CDKL3: variants seen among roughly 807,000 people sequenced by gnomAD.
CDKL3 encodes cyclin dependent kinase like 3, also known as cyclin-dependent kinase-like 3.
A neutral mutation model predicts 69.3 loss-of-function variants in CDKL3; 65 were observed. That is an observed-to-expected ratio of 0.94 (90% CI 0.77 to 1.15). The LOEUF is 1.15. Among genes scored for constraint, CDKL3 ranks in the 50% most tolerant of loss-of-function variants. CDKL3 has a pLI of 0.00. For synonymous variants in CDKL3, 202 were observed against 221.6 expected (o/e 0.91, Z 0.79); for missense variants, 652 against 689.2 (o/e 0.95, Z 0.61).
intron 3 of CDKL3, among the ~76,000 whole-genome samples, chr5:134,351,416 G>T (rs562096953): frequency 2.6e-5 from 4 of 152,202 alleles, no homozygotes; most frequent in Non-Finnish European, 2.9e-5. Flanking sequence ...CTCTTTTTAA[G>T]AAATTATTTT....
In CDKL3 at chr5:134,288,535, C is replaced by T. The variant is rs377140527; in HGVS notation, c.*678-1976G>A. Among the ~76,000 whole-genome samples, 14 of 152,126 alleles carry T rather than the reference C, an allele frequency of 9.2e-5. No individual in the cohort carries two copies. In the East Asian group the frequency reaches 2.7e-3, roughly 29 times the overall value. ...TAAATGGTGACCAGTGCACAGATAC[C>T]CTAGGAGTTTCACAGGCAGTATGCA... On this transcript the variant is annotated intron_variant and NMD_transcript_variant, in intron 8 of 8. Transcript: ENST00000519312.
chr5:134,322,014 T>C, intron 4 of CDKL3, 111 bp from the exon 5 acceptor site: 1 of 677,044 alleles, frequency 1.5e-6, no homozygotes, highest in Admixed American at 3.1e-5. Flanking sequence ...TAGTATCATT[T>C]TAAGTTTTGT....
chr5:134,361,522 A>G (rs1350737418), intron 2 of CDKL3, among the ~76,000 whole-genome samples: 1 of 152,214 alleles, frequency 6.6e-6, no homozygotes, highest in Non-Finnish European at 1.5e-5. Context: ...AAAATATAAC[A>G]CCAGATTCCT....
chr5:134,299,706 A>C, intron 12 of CDKL3: 15 of 1,534,802 alleles, frequency 9.8e-6, no homozygotes, highest in Non-Finnish European at 1.3e-5. Context: ...TCTACTCTAC[A>C]TCTGGCAAGT....
downstream of CDKL3, among the ~76,000 whole-genome samples, chr5:134,294,341 A>G (rs1013849110): frequency 6.6e-6 from 1 of 152,166 alleles, no homozygotes; most frequent in Admixed American, 6.5e-5. Flanking sequence ...GGAAACTAGA[A>G]AAGAGGGAAC....
chr5:134,306,531 A>G, intron 10 of CDKL3, 78 bp downstream of exon 10: 1 of 843,428 alleles, frequency 1.2e-6, no homozygotes, highest in Middle Eastern at 2.2e-4. Context: ...AAAGTATTAG[A>G]GCCCTAAAGA....
chr5:134,308,537 T>C, intron 8 of CDKL3, 37 bp downstream of exon 8: 2 of 1,555,050 alleles, frequency 1.3e-6, no homozygotes, highest in Non-Finnish European at 1.7e-6. Flanking sequence ...AACTATAATA[T>C]AATTATACTG....
At position 134,350,302 on chromosome 5, in the gene CDKL3, G is replaced by A. The variant is rs752287122; in HGVS notation, c.486C>T (p.Ala162=). The A allele has an allele frequency of 2.5e-6, 4 of 1,593,468 alleles. No homozygotes were observed. In the Admixed American group the frequency reaches 5.3e-5, roughly 21 times the overall value. The change falls in exon 4 of 13, where the codon GCC becomes GCT. Residue 162 remains alanine (A), a synonymous_variant. Coordinates refer to ENST00000265334, the MANE Select transcript of CDKL3 (RefSeq NM_001113575.2). ...ATTCGGGAGCTCTATACCAGCGTGT[G>A]GCCACATAGTCCGTATAAATGTCCC... is the stretch of plus-strand genomic sequence containing the variant. ...APGDIYTDYV[A]TRWYRAPELV...
intron 4 of CDKL3, among the ~76,000 whole-genome samples, chr5:134,328,767 C>A (rs1775012592): frequency 6.6e-6 from 1 of 152,124 alleles, no homozygotes; most frequent in Non-Finnish European, 1.5e-5. Flanking sequence ...AAAAACAAAT[C>A]ATCACTTACA....
intron 3 of CDKL3, among the ~76,000 whole-genome samples, chr5:134,351,420 T>C (rs372440398): frequency 6.6e-6 from 1 of 152,170 alleles, no homozygotes; most frequent in African/African-American, 2.4e-5. Context: ...TTTTAAGAAA[T>C]TATTTTTTAA....
At chr5:134,298,750 A>C in intron 12 of CDKL3, 40 bp from the exon 13 acceptor site, 1 of 1,595,514 alleles carries the variant, frequency 6.3e-7, no homozygotes, top group Non-Finnish European at 8.5e-7. Flanking sequence ...CAGGGACTGG[A>C]ATGTAAATAT....
chr5:134,291,650 T>G (rs753114259), intron 8 of CDKL3, among the ~76,000 whole-genome samples: 3 of 152,022 alleles, frequency 2.0e-5, no homozygotes, highest in Admixed American at 6.6e-5. Context: ...GGCGTACACC[T>G]GTAATCTCAG....
chr5:134,330,911 T>C (rs1479798822), intron 4 of CDKL3, among the ~76,000 whole-genome samples: 1 of 152,222 alleles, frequency 6.6e-6, no homozygotes, highest in African/African-American at 2.4e-5. Flanking sequence ...TGGTAGCCAG[T>C]GCTTCGTCTT....
chr5:134,339,238 G>C (rs1749835956), intron 4 of CDKL3, among the ~76,000 whole-genome samples: 1 of 152,124 alleles, frequency 6.6e-6, no homozygotes, highest in Non-Finnish European at 1.5e-5. Context: ...AAAAGGCAGA[G>C]ACTGTCAGCC....
At chr5:134,289,634 G>C (rs1765035244) in intron 8 of CDKL3, among the ~76,000 whole-genome samples, 1 of 152,172 alleles carries the variant, frequency 6.6e-6, no homozygotes, top group South Asian at 2.1e-4. Context: ...TCATACATTA[G>C]TTCGTCCAAC....
intron 4 of CDKL3, among the ~76,000 whole-genome samples, chr5:134,327,766 G>A (rs1774768004): frequency 6.6e-6 from 1 of 152,156 alleles, no homozygotes; most frequent in South Asian, 2.1e-4. Context: ...AAGCCCCAAG[G>A]CAATGTTGAA....
chr5:134,325,761 T>C (rs1189330938), intron 4 of CDKL3, among the ~76,000 whole-genome samples: 1 of 151,700 alleles, frequency 6.6e-6, no homozygotes. Flanking sequence ...GTTATTATTA[T>C]TATTTATTAT....
chr5:134,351,997 C>T (rs1200817739), intron 3 of CDKL3, among the ~76,000 whole-genome samples: 1 of 151,946 alleles, frequency 6.6e-6, no homozygotes, highest in Non-Finnish European at 1.5e-5. Context: ...TGAACTTATT[C>T]CTTCTTTCTA....
At chr5:134,315,213 T>C (rs1035621587) in intron 6 of CDKL3, among the ~76,000 whole-genome samples, 26 of 147,354 alleles carry the variant, frequency 1.8e-4, no homozygotes, top group African/African-American at 6.2e-4. Flanking sequence ...TACTAGTTGT[T>C]AAAAAAAAAA....
Sources: allele counts gnomAD v4.1 joint callset (sites outside exome capture counted in the v4.1 genomes callset), GRCh38; gene constraint gnomAD v4.1.1; transcripts MANE v1.5; gene names NCBI Gene and HGNC (gene_info 2026-07-23, HGNC 2026-07-21).